Variants in PDS5A observed in about 807,000 individuals in gnomAD.
PDS5A encodes PDS5 cohesin associated factor A.
In PDS5A, 42 loss-of-function variants were observed where a neutral mutation model predicts 167.1. The observed-to-expected ratio is 0.25, with a 90% CI of 0.20 to 0.33. PDS5A has a LOEUF of 0.33. PDS5A is among the 10% of genes least tolerant of loss of function. The pLI, the probability that PDS5A is intolerant of heterozygous loss-of-function variation, is 1.00. For synonymous variants in PDS5A, 553 were observed against 554.6 expected (o/e 1.00, Z 0.04); for missense variants, 1,033 against 1,605.9 (o/e 0.64, Z 6.10).
intron 19 of PDS5A, among the ~76,000 whole-genome samples, chr4:39,875,642 T>C (rs1273437393): frequency 6.6e-6 from 1 of 152,162 alleles, no homozygotes; most frequent in Non-Finnish European, 1.5e-5. Context: ...TGTATAAATA[T>C]GCCTGAAGTT....
intron 2 of PDS5A, among the ~76,000 whole-genome samples, chr4:39,969,432 C>T (rs901977373): frequency 1.3e-5 from 2 of 152,106 alleles, no homozygotes; most frequent in African/African-American, 2.4e-5. Flanking sequence ...TTTGGGAGGT[C>T]GAGGTGGGTG....
intron 2 of PDS5A, among the ~76,000 whole-genome samples, chr4:39,947,856 A>C (rs938515256): frequency 6.6e-6 from 1 of 152,192 alleles, no homozygotes; most frequent in Non-Finnish European, 1.5e-5. Flanking sequence ...AACACCTCCC[A>C]GTAGGCCCCA....
chr4:39,919,541 A>T (rs753194530), intron 7 of PDS5A, among the ~76,000 whole-genome samples: 17 of 152,180 alleles, frequency 1.1e-4, no homozygotes, highest in Non-Finnish European at 2.5e-4. Context: ...GCTACTCAGG[A>T]GGCTGAGGCA....
At chr4:39,886,644 T>C (rs1000078721) in intron 17 of PDS5A, among the ~76,000 whole-genome samples, 2 of 151,148 alleles carry the variant, frequency 1.3e-5, no homozygotes, top group South Asian at 4.2e-4. Flanking sequence ...ACACAGGAGG[T>C]GGAGGCTGTG....
chr4:39,913,001 T>A lies in PDS5A; in HGVS notation c.992+610A>T, dbSNP rs557281514. 9.7e-4 allele frequency among the ~76,000 whole-genome samples: 147 copies of A among 152,228 alleles called. 1 individual carries two copies. Among genetic ancestry groups the A allele is most frequent in the Admixed American group, 1.7e-3 (26 of 15,282 alleles). ...CTGACAAATGGCACAGGTTCTTAAA[T>A]TTGGATCAGTATGTATTCAGTTTCA... On this transcript the variant is annotated intron_variant, in intron 9 of 32. Transcript: ENST00000303538.
intron 32 of PDS5A, chr4:39,837,652 A>G: frequency 2.0e-6 from 1 of 490,506 alleles, no homozygotes; most frequent in Non-Finnish European, 3.5e-6. Context: ...AATTACACAA[A>G]GAAAAAAGAT....
At chr4:39,954,464 A>G (rs1010157692) in intron 2 of PDS5A, among the ~76,000 whole-genome samples, 4 of 151,986 alleles carry the variant, frequency 2.6e-5, no homozygotes, top group Non-Finnish European at 5.9e-5. Context: ...GATTACGGGC[A>G]TGTGCCACCA....
chr4:39,966,141 T>TA lies in PDS5A; in HGVS notation c.138+10298dup, dbSNP rs1490432909. On this transcript the variant is annotated intron_variant, in intron 2 of 32. Transcript: ENST00000303538. ...AAATCTTGCCTCCCCATTTAATTTTTAATGTTCTGAGCAGAATCTTCTGCA... is the reference window on the plus strand; with the variant it reads ...AAATCTTGCCTCCCCATTTAATTTTTAAATGTTCTGAGCAGAATCTTCTGCA... 3.3e-5 allele frequency among the ~76,000 whole-genome samples: 5 copies of TA among 152,206 alleles called. No individual in the cohort carries two copies. In the East Asian group the frequency reaches 9.6e-4, roughly 29 times the overall value.
At chr4:39,949,161 G>T (rs1728077493) in intron 2 of PDS5A, among the ~76,000 whole-genome samples, 1 of 151,866 alleles carries the variant, frequency 6.6e-6, no homozygotes, top group Non-Finnish European at 1.5e-5. Context: ...AGATAGCCAG[G>T]TGTGGTGGCA....
At chr4:39,827,188 T>C (rs978711333) in intron 32 of PDS5A, among the ~76,000 whole-genome samples, 2 of 151,986 alleles carry the variant, frequency 1.3e-5, no homozygotes, top group Non-Finnish European at 1.5e-5. Context: ...TTAGTAGAGA[T>C]GGGGTTTCAC....
intron 2 of PDS5A, 69 bp from the exon 3 acceptor site, chr4:39,928,233 T>TA (rs149442914): frequency 0.027 from 21,448 of 791,934 alleles, 14 homozygotes; most frequent in South Asian, 0.033. Context: ...GGATGTGATT[T>TA]AAAAAAAAAA....
chr4:39,833,561 T>C (rs1272240410), intron 32 of PDS5A, among the ~76,000 whole-genome samples: 1 of 152,078 alleles, frequency 6.6e-6, no homozygotes, highest in Non-Finnish European at 1.5e-5. Flanking sequence ...CTAATTTTTC[T>C]ATTTTTTTTG....
chr4:39,890,165 T>C (rs1721839458), intron 17 of PDS5A, 84 bp downstream of exon 17: 7 of 730,352 alleles, frequency 9.6e-6, no homozygotes, highest in African/African-American at 1.8e-5. Context: ...TTTTCAGGTA[T>C]CTTTAGGAGC....
chr4:39,840,997 C>T (rs1315485668), intron 31 of PDS5A, among the ~76,000 whole-genome samples: 1 of 151,042 alleles, frequency 6.6e-6, no homozygotes, highest in African/African-American at 2.4e-5. Flanking sequence ...CACAAGTGAT[C>T]CACCCATCTT....
chr4:39,884,375 A>G (rs1358840420), intron 17 of PDS5A, among the ~76,000 whole-genome samples: 1 of 152,150 alleles, frequency 6.6e-6, no homozygotes, highest in East Asian at 1.9e-4. Flanking sequence ...AGTGGTACCT[A>G]GTGGCTTTCT....
chr4:39,934,699 A>C (rs1425761656), intron 2 of PDS5A, among the ~76,000 whole-genome samples: 1 of 151,310 alleles, frequency 6.6e-6, no homozygotes, highest in Non-Finnish European at 1.5e-5. Context: ...TAATATTGAT[A>C]AAAAAGAAAC....
intron 2 of PDS5A, among the ~76,000 whole-genome samples, chr4:39,972,478 C>G (rs779649591): frequency 2.0e-5 from 3 of 152,222 alleles, no homozygotes; most frequent in South Asian, 2.1e-4. Context: ...CAAGATTGCA[C>G]CACTGCATTC....
intron 17 of PDS5A, among the ~76,000 whole-genome samples, chr4:39,884,146 C>G (rs968879050): frequency 1.3e-5 from 2 of 152,086 alleles, no homozygotes; most frequent in African/African-American, 4.8e-5. Context: ...TCAGGCTAGT[C>G]TCAAACTCCT....
chr4:39,904,633 A>G (rs1723167333), intron 11 of PDS5A, among the ~76,000 whole-genome samples: 1 of 152,146 alleles, frequency 6.6e-6, no homozygotes, highest in Admixed American at 6.5e-5. Context: ...CGCCCAGCCT[A>G]CAAACAATTT....
Sources: allele counts gnomAD v4.1 joint callset (sites outside exome capture counted in the v4.1 genomes callset), GRCh38; gene constraint gnomAD v4.1.1; transcripts MANE v1.5; gene names NCBI Gene and HGNC (gene_info 2026-07-23, HGNC 2026-07-21).